The following SLC16A7 variants were observed in gnomAD, a reference collection of about 807,000 sequenced individuals.
SLC16A7 encodes solute carrier family 16 member 7.
In SLC16A7, 33 loss-of-function variants were observed where a neutral mutation model predicts 34.9. The observed-to-expected ratio is 0.94, with a 90% CI of 0.72 to 1.26. SLC16A7 has a LOEUF of 1.26. SLC16A7 is among the 50% of genes most tolerant of loss of function. The probability of loss-of-function intolerance (pLI) is 0.00; values close to 1 mark genes in which losing one functional copy is unlikely to be tolerated. For missense variants in SLC16A7, 573 were observed against 578.1 expected (o/e 0.99, Z 0.09); for synonymous variants, 201 against 206.6 (o/e 0.97, Z 0.23).
rs573811915 is a variant in SLC16A7 at position 59,603,962 on chromosome 12, A to G, written c.-130+7726A>G. On this transcript the variant is annotated intron_variant, in intron 1 of 5. Transcript: ENST00000547379. ...TGTTCAGCTTCCTGGGGCCACATGA[A>G]ATGAATCCCTTTCTCATTTGAATGA... Among the ~76,000 whole-genome samples the G allele has an allele frequency of 2.0e-5, 3 of 152,302 alleles. No homozygotes were observed. In the South Asian group the frequency reaches 6.2e-4, roughly 32 times the overall value.
At chr12:59,749,790 G>A (rs2711690) in intron 3 of SLC16A7, among the ~76,000 whole-genome samples, 18,668 of 152,202 alleles carry the variant, frequency 0.12, 1,500 homozygotes, top group African/African-American at 0.22. Context: ...GATTGTGGAT[G>A]TGGCAGAAAA....
chr12:59,778,010 C>G (rs1234506348), intron 5 of SLC16A7, among the ~76,000 whole-genome samples: 1 of 152,020 alleles, frequency 6.6e-6, no homozygotes, highest in East Asian at 1.9e-4. Context: ...GCATAGTATT[C>G]CATGGTGTAT....
At position 59,687,777 on chromosome 12, in the gene SLC16A7, G is replaced by A. The variant is rs961744721; in HGVS notation, c.-30-16995G>A. On this transcript the variant is annotated intron_variant, in intron 2 of 5. Coordinates refer to ENST00000547379, the MANE Select transcript of SLC16A7 (RefSeq NM_001270623.2). ...GACATGTTCTTATTTTGGAAAGCAA[G>A]GACTGCTATAAAGGCAAAACATGCA... Among the ~76,000 whole-genome samples the A allele has an allele frequency of 3.3e-5, 5 of 152,076 alleles. No individual in the cohort carries two copies. In the South Asian group the frequency reaches 8.3e-4, roughly 25 times the overall value.
intron 3 of SLC16A7, among the ~76,000 whole-genome samples, chr12:59,744,296 G>A (rs1346861493): frequency 1.3e-5 from 2 of 152,082 alleles, no homozygotes; most frequent in African/African-American, 4.8e-5. Flanking sequence ...GGCTCTGCTG[G>A]CAGAGAAGAG....
chr12:59,609,191 G>A (rs1210319092), intron 1 of SLC16A7, among the ~76,000 whole-genome samples: 2 of 152,218 alleles, frequency 1.3e-5, no homozygotes, highest in Non-Finnish European at 2.9e-5. Context: ...ATGGAAGATG[G>A]CAAAGGATGG....
intron 1 of SLC16A7, among the ~76,000 whole-genome samples, chr12:59,616,966 T>C (rs1368768175): frequency 6.6e-6 from 1 of 152,142 alleles, no homozygotes; most frequent in Non-Finnish European, 1.5e-5. Flanking sequence ...TTATATGTTA[T>C]AGCGTAAATG....
intron 2 of SLC16A7, among the ~76,000 whole-genome samples, chr12:59,680,083 C>T (rs553240106): frequency 7.2e-5 from 11 of 152,166 alleles, no homozygotes; most frequent in Non-Finnish European, 1.5e-4. Context: ...CCTAACTTTA[C>T]TGGCATCAAG....
chr12:59,604,131 T>A (rs143711047), intron 1 of SLC16A7, among the ~76,000 whole-genome samples: 2 of 152,252 alleles, frequency 1.3e-5, no homozygotes, highest in South Asian at 4.1e-4. Flanking sequence ...AATTCAACTT[T>A]AGGAAAGTCC....
intron 3 of SLC16A7, among the ~76,000 whole-genome samples, chr12:59,718,490 C>T (rs1336145502): frequency 1.3e-5 from 2 of 152,020 alleles, no homozygotes; most frequent in East Asian, 1.9e-4. Context: ...GGAAGATACT[C>T]GATACCTCTC....
chr12:59,671,476 G>T (rs1317011768), intron 2 of SLC16A7, among the ~76,000 whole-genome samples: 2 of 151,810 alleles, frequency 1.3e-5, no homozygotes, highest in Non-Finnish European at 2.9e-5. Flanking sequence ...TGCACACCTA[G>T]GATTAAAATA....
chr12:59,652,437 A>ATT (rs1168470780), intron 1 of SLC16A7, among the ~76,000 whole-genome samples: 1 of 151,994 alleles, frequency 6.6e-6, no homozygotes, highest in Non-Finnish European at 1.5e-5. Flanking sequence ...TCTTAAGTCA[A>ATT]TTAATTATGA....
intron 1 of SLC16A7, among the ~76,000 whole-genome samples, chr12:59,646,214 G>A (rs564112946): frequency 7.9e-5 from 12 of 152,294 alleles, no homozygotes; most frequent in Non-Finnish European, 1.2e-4. Context: ...GTCAGAGACC[G>A]TCACAGCAGC....
rs1457332145 is a variant in SLC16A7, at chr12:59,783,641, C to A, written c.*3962C>A. On this transcript the variant is annotated 3_prime_UTR_variant, in exon 6 of 6. Coordinates refer to ENST00000547379, the MANE Select transcript of SLC16A7 (RefSeq NM_001270623.2). The stretch of plus-strand genomic sequence containing the variant: ...TTGCTAGAACCTGAATATGTAATTT[C>A]TTTCTTTCTTTCTTTTTTTTTTTTT... 1 of 149,006 alleles carries A rather than the reference C, an allele frequency of 6.7e-6. No homozygotes were observed. Among genetic ancestry groups the A allele is most frequent in the Non-Finnish European group, 1.5e-5 (1 of 67,220 alleles). 9.2% of individuals were successfully genotyped at this position (149,006 alleles called of 1,614,324 possible).
intron 3 of SLC16A7, chr12:59,733,990 C>G (rs1385267169): frequency 2.8e-6 from 1 of 360,912 alleles, no homozygotes; most frequent in East Asian, 7.5e-5. Context: ...GCTGATTGGT[C>G]TGTGGGCAGC....
At chr12:59,647,104 G>A (rs1020627360) in intron 1 of SLC16A7, among the ~76,000 whole-genome samples, 1 of 152,128 alleles carries the variant, frequency 6.6e-6, no homozygotes, top group Admixed American at 6.6e-5. Context: ...GCTGAAATGA[G>A]TTAAGACTTT....
chr12:59,650,110 C>A (rs962670492), intron 1 of SLC16A7, among the ~76,000 whole-genome samples: 7 of 151,626 alleles, frequency 4.6e-5, no homozygotes. Context: ...AACAGATACC[C>A]CCTTGATGAT....
chr12:59,753,752 A>G (rs78572750), intron 3 of SLC16A7, among the ~76,000 whole-genome samples: 18,582 of 152,124 alleles, frequency 0.12, 1,487 homozygotes, highest in African/African-American at 0.22. Context: ...TGCAACAAGC[A>G]GACCTGATAG....
chr12:59,631,829 G>A (rs142710335), intron 1 of SLC16A7, among the ~76,000 whole-genome samples: 28 of 152,020 alleles, frequency 1.8e-4, no homozygotes, highest in African/African-American at 5.3e-4. Flanking sequence ...TTAAAGCACC[G>A]TTCCATGTAG....
At chr12:59,601,918 C>T (rs1452113996) in intron 1 of SLC16A7, among the ~76,000 whole-genome samples, 5 of 152,132 alleles carry the variant, frequency 3.3e-5, no homozygotes, top group Non-Finnish European at 5.9e-5. Flanking sequence ...ATTAGGACTT[C>T]AACATGAATT....
Sources: allele counts gnomAD v4.1 joint callset (sites outside exome capture counted in the v4.1 genomes callset), GRCh38; gene constraint gnomAD v4.1.1; transcripts MANE v1.5; gene names NCBI Gene and HGNC (gene_info 2026-07-23, HGNC 2026-07-21).